The following AMPH variants were observed in gnomAD, a reference collection of about 807,000 sequenced individuals.
AMPH encodes the protein amphiphysin.
Under a neutral mutation model 99.1 loss-of-function variants are expected in AMPH, and 49 were observed. That is an observed-to-expected ratio of 0.49 (90% CI 0.39 to 0.63). The LOEUF (loss-of-function observed/expected upper bound fraction) is 0.63. Ranked by LOEUF, AMPH falls within the 20% of genes least tolerant of loss-of-function variation. The probability of loss-of-function intolerance (pLI) is 0.00; values close to 1 mark genes in which losing one functional copy is unlikely to be tolerated. For synonymous variants in AMPH, 314 were observed against 317.3 expected, an observed-to-expected ratio of 0.99 and a Z score of 0.11; for missense variants, 759 against 863.4, an observed-to-expected ratio of 0.88 and a Z score of 1.52.
At chr7:38,494,387 T>G (rs753968269) in intron 4 of AMPH, 46 bp downstream of exon 4, 1 of 1,518,688 alleles carries the variant, frequency 6.6e-7, no homozygotes, top group Non-Finnish European at 9.1e-7. Flanking sequence ...ACAGGTGGAC[T>G]GAGCAAGGGT....
intron 1 of AMPH, among the ~76,000 whole-genome samples, chr7:38,564,100 T>C (rs766687944): frequency 2.0e-5 from 3 of 152,218 alleles, no homozygotes; most frequent in South Asian, 4.1e-4. Flanking sequence ...AGTTTCTCTA[T>C]TGAATTAGAA....
chr7:38,418,162 C>A, intron 16 of AMPH: 1 of 401,940 alleles, frequency 2.5e-6, no homozygotes, highest in African/African-American at 2.1e-5. Flanking sequence ...TCTGCTTTAC[C>A]ATCATCAAGA....
At chr7:38,549,320 T>C (rs1791103409) in intron 1 of AMPH, among the ~76,000 whole-genome samples, 1 of 152,192 alleles carries the variant, frequency 6.6e-6, no homozygotes, top group Non-Finnish European at 1.5e-5. Context: ...ACCAATTTCA[T>C]AGGTACATAA....
rs750482303 is a variant in AMPH, at chr7:38,432,160, A to G, written c.1158+29T>C. On this transcript the variant is annotated intron_variant, in intron 13 of 20. Coordinates refer to ENST00000356264, the MANE Select transcript of AMPH (RefSeq NM_001635.4). ...TCCAAATTTCTGGGGATCAAGATAC[A>G]TGAAAAAACAGAGTTATTAGTGGCT... 6.2e-6 allele frequency: 10 copies of G among 1,600,750 alleles called. No individual in the cohort carries two copies. In the African/African-American group the frequency reaches 1.2e-4, roughly 19 times the overall value.
intron 16 of AMPH, among the ~76,000 whole-genome samples, chr7:38,418,897 T>C (rs1584063745): frequency 6.6e-6 from 1 of 152,090 alleles, no homozygotes; most frequent in African/African-American, 2.4e-5. Flanking sequence ...ATTAGCAATA[T>C]AAACTAACAG....
At chr7:38,473,119 G>T (rs1787945649) in intron 7 of AMPH, among the ~76,000 whole-genome samples, 1 of 152,162 alleles carries the variant, frequency 6.6e-6, no homozygotes, top group Non-Finnish European at 1.5e-5. Flanking sequence ...CAATTTCCCA[G>T]GGGTATTATC....
chr7:38,550,241 C>T (rs890991164), intron 1 of AMPH, among the ~76,000 whole-genome samples: 1 of 152,216 alleles, frequency 6.6e-6, no homozygotes, highest in Admixed American at 6.5e-5. Flanking sequence ...ATCAGCCTCA[C>T]CAGGGAGCTT....
At chr7:38,554,005 G>A (rs552770945) in intron 1 of AMPH, among the ~76,000 whole-genome samples, 8 of 152,188 alleles carry the variant, frequency 5.3e-5, no homozygotes, top group Non-Finnish European at 4.4e-5. Context: ...ATAAGGTGCT[G>A]GGGGCCTTAG....
At chr7:38,590,079 A>G (rs1320034485) in intron 1 of AMPH, among the ~76,000 whole-genome samples, 1 of 152,202 alleles carries the variant, frequency 6.6e-6, no homozygotes, top group African/African-American at 2.4e-5. Context: ...CCAGCTCCCA[A>G]GATGAGGTGG....
At chr7:38,613,647 T>C (rs1208482958) in intron 1 of AMPH, among the ~76,000 whole-genome samples, 1 of 152,134 alleles carries the variant, frequency 6.6e-6, no homozygotes, top group Non-Finnish European at 1.5e-5. Flanking sequence ...CCTCAGACAG[T>C]AGGTGCAAAA....
intron 1 of AMPH, among the ~76,000 whole-genome samples, chr7:38,623,024 C>T (rs76643482): frequency 0.036 from 5,478 of 152,218 alleles, 159 homozygotes; most frequent in Admixed American, 0.079. Flanking sequence ...TCTCACAAGG[C>T]TGTAGTAAAA....
Position 38,495,786 on chromosome 7 carries a change from T to C in AMPH, c.206-1259A>G, listed in dbSNP as rs1488476905. Among the ~76,000 whole-genome samples, 3 of 152,184 alleles carry C rather than the reference T, an allele frequency of 2.0e-5. No individual in the cohort carries two copies. In the East Asian group the frequency reaches 5.8e-4, roughly 29 times the overall value. ...GGATACATTTGATATGTTGCAAAAC[T>C]ATGGTTTGCAACATTAAAGAATAGC... On this transcript the variant is annotated intron_variant, in intron 3 of 20. Transcript: ENST00000356264.
At chr7:38,464,026 T>C (rs763505065) in intron 9 of AMPH, 63 of 1,281,174 alleles carry the variant, frequency 4.9e-5, no homozygotes, top group Admixed American at 1.6e-4. Context: ...CCAGCAATCA[T>C]GGCCTCAGAT....
At chr7:38,618,708 G>A (rs1793957453) in intron 1 of AMPH, among the ~76,000 whole-genome samples, 1 of 152,116 alleles carries the variant, frequency 6.6e-6, no homozygotes, top group African/African-American at 2.4e-5. Context: ...GATGTTAACT[G>A]TAATCCCAGG....
chr7:38,610,338 GA>G (rs56930147), intron 1 of AMPH, among the ~76,000 whole-genome samples: 12 of 21,114 alleles, frequency 5.7e-4, no homozygotes, highest in African/African-American at 1.6e-3. Flanking sequence ...AAAGAAAAAA[GA>G]AAAGAAAAGA....
chr7:38,572,050 C>T (rs538192889), intron 1 of AMPH, among the ~76,000 whole-genome samples: 4 of 152,084 alleles, frequency 2.6e-5, no homozygotes, highest in African/African-American at 9.6e-5. Flanking sequence ...GGATTACAGG[C>T]ATGTGCCACC....
Position 38,423,543 on chromosome 7 carries a change from G to A in AMPH, c.1216-1066C>T, listed in dbSNP as rs1445604381. On this transcript the variant is annotated intron_variant, in intron 15 of 20. Coordinates refer to ENST00000356264, the MANE Select transcript of AMPH (RefSeq NM_001635.4). ...GAATCCAAACTAAACAACAATAAAGGGATTTTTAAGGCATCAACCTATAAG... is the reference window on the plus strand; with the variant it reads ...GAATCCAAACTAAACAACAATAAAGAGATTTTTAAGGCATCAACCTATAAG... Among the ~76,000 whole-genome samples the A allele has an allele frequency of 4.6e-5, 7 of 152,012 alleles. No individual in the cohort carries two copies. The East Asian group carries it at 1.3e-3, about 29-fold the overall frequency.
At chr7:38,432,838 C>T (rs964187860) in intron 12 of AMPH, among the ~76,000 whole-genome samples, 1 of 152,106 alleles carries the variant, frequency 6.6e-6, no homozygotes, top group African/African-American at 2.4e-5. Context: ...GGTAATCATA[C>T]AAATTGGCAG....
chr7:38,497,245 T>C (rs1788963744), intron 3 of AMPH, among the ~76,000 whole-genome samples: 1 of 152,152 alleles, frequency 6.6e-6, no homozygotes, highest in East Asian at 1.9e-4. Context: ...AAAATACAAG[T>C]TCTCTTCAGA....
Sources: gnomAD v4.1 joint callset for allele counts (sites outside exome capture counted in the v4.1 genomes callset) on GRCh38, gnomAD v4.1.1 for gene constraint, MANE v1.5 for transcripts, NCBI Gene and HGNC (gene_info 2026-07-23, HGNC 2026-07-21) for gene names.